SORCS2: variants seen among roughly 807,000 people sequenced by gnomAD.
SORCS2 encodes the protein sortilin related VPS10 domain containing receptor 2, also known as VPS10 domain-containing receptor SorCS2.
In SORCS2, 100 loss-of-function variants were observed where a neutral mutation model predicts 141.6. The ratio of observed to expected loss-of-function variants is 0.71; its 90% confidence interval spans 0.60 to 0.83. The LOEUF (loss-of-function observed/expected upper bound fraction) is 0.83. Among genes scored for constraint, SORCS2 ranks in the 40% least tolerant of loss-of-function variants. The probability of loss-of-function intolerance (pLI) is 0.00; values close to 1 mark genes in which losing one functional copy is unlikely to be tolerated. For synonymous variants in SORCS2, 789 were observed against 676.9 expected (o/e 1.17, Z -2.57); for missense variants, 1,646 against 1,560.2 (o/e 1.05, Z -0.93).
At chr4:7,624,091 A>G (rs1313997776) in intron 3 of SORCS2, among the ~76,000 whole-genome samples, 2 of 152,224 alleles carry the variant, frequency 1.3e-5, no homozygotes, top group Non-Finnish European at 2.9e-5. Flanking sequence ...CCCGGCATAC[A>G]GAAGTGCTCA....
At chr4:7,461,798 ATGGCC>A (rs1316302426) in intron 2 of SORCS2, among the ~76,000 whole-genome samples, 1 of 151,990 alleles carries the variant, frequency 6.6e-6, no homozygotes. Context: ...TGCCCAAAAT[ATGGCC>A]TGGGAACCCA....
At chr4:7,642,701 G>A (rs1339741051) in intron 4 of SORCS2, among the ~76,000 whole-genome samples, 3 of 152,152 alleles carry the variant, frequency 2.0e-5, no homozygotes, top group South Asian at 2.1e-4. Flanking sequence ...ACAGAAACAA[G>A]CATTATTTCT....
intron 26 of SORCS2, among the ~76,000 whole-genome samples, chr4:7,739,612 G>A (rs1560126184): frequency 6.6e-6 from 1 of 152,134 alleles, no homozygotes; most frequent in Non-Finnish European, 1.5e-5. Context: ...GTGAAGGATG[G>A]GCGAGGACTC....
intron 3 of SORCS2, among the ~76,000 whole-genome samples, chr4:7,626,452 A>G (rs1436312328): frequency 6.6e-6 from 1 of 152,230 alleles, no homozygotes; most frequent in African/African-American, 2.4e-5. Context: ...AACATTCTCC[A>G]AAGAAAGAAA....
chr4:7,242,758 C>T (rs960763568), intron 1 of SORCS2, among the ~76,000 whole-genome samples: 1 of 152,228 alleles, frequency 6.6e-6, no homozygotes, highest in Non-Finnish European at 1.5e-5. Context: ...GTGGCCATTA[C>T]TTCCCCCAGG....
At chr4:7,417,422 G>A (rs1318478841) in intron 2 of SORCS2, among the ~76,000 whole-genome samples, 1 of 152,188 alleles carries the variant, frequency 6.6e-6, no homozygotes, top group Admixed American at 6.5e-5. Flanking sequence ...ACAGGGAGCA[G>A]TTTTTATTAT....
intron 3 of SORCS2, among the ~76,000 whole-genome samples, chr4:7,543,285 G>A (rs76407338): frequency 0.018 from 2,800 of 152,150 alleles, 90 homozygotes; most frequent in African/African-American, 0.062. Flanking sequence ...GCATCCCTCC[G>A]TTCATCTGTT....
At chr4:7,724,503 GGTGGTGGTGA>G (rs1726935370) in intron 19 of SORCS2, among the ~76,000 whole-genome samples, 1 of 143,616 alleles carries the variant, frequency 7.0e-6, no homozygotes, top group Non-Finnish European at 1.5e-5. Context: ...TGGTGACAAT[GGTGGTGGTGA>G]TGGTGGTGAT....
chr4:7,515,395 G>C lies in SORCS2; in HGVS notation c.549-16135G>C, dbSNP rs940423967. Among the ~76,000 whole-genome samples, 3 of 152,214 alleles carry C rather than the reference G, an allele frequency of 2.0e-5. No homozygotes were observed. In the South Asian group the frequency reaches 6.2e-4, roughly 32 times the overall value. On this transcript the variant is annotated intron_variant, in intron 2 of 26. Coordinates refer to ENST00000507866, the MANE Select transcript of SORCS2 (RefSeq NM_020777.3). Reference sequence around the variant, plus strand: ...CTAGGGCTGGCCACCTGCTGGGGCTGGGCAGGGCACTGGAGCAGGTCTGCG... The same window carrying C: ...CTAGGGCTGGCCACCTGCTGGGGCTCGGCAGGGCACTGGAGCAGGTCTGCG...
intron 1 of SORCS2, among the ~76,000 whole-genome samples, chr4:7,242,309 C>T (rs748332072): frequency 6.6e-6 from 1 of 152,162 alleles, no homozygotes; most frequent in East Asian, 1.9e-4. Flanking sequence ...GATTATCCAA[C>T]TCAGCCTCCT....
chr4:7,609,499 G>A (rs751497477), intron 3 of SORCS2, among the ~76,000 whole-genome samples: 25 of 152,094 alleles, frequency 1.6e-4, no homozygotes, highest in East Asian at 5.8e-4. Context: ...GACCTCCCCC[G>A]TCCAGCCCCT....
At chr4:7,200,023 TG>T (rs151072957) in intron 1 of SORCS2, among the ~76,000 whole-genome samples, 29,760 of 151,626 alleles carry the variant, frequency 0.2, 3,212 homozygotes, top group East Asian at 0.38. Context: ...AGCGCAGAGG[TG>T]GGGGAGGCTG....
rs375360579 is a variant in SORCS2, at chr4:7,576,151, G to T, written c.648+44522G>T. On this transcript the variant is annotated intron_variant, in intron 3 of 26. Coordinates refer to ENST00000507866, the MANE Select transcript of SORCS2 (RefSeq NM_020777.3). ...TTAATTAGCGTGCGAGGGAGAGAAAGGTCAACACCACTAACATTCTCCTTC... is the reference window on the plus strand; with the variant it reads ...TTAATTAGCGTGCGAGGGAGAGAAATGTCAACACCACTAACATTCTCCTTC... 3.3e-5 allele frequency among the ~76,000 whole-genome samples: 5 copies of T among 152,300 alleles called. No individual in the cohort carries two copies. The East Asian group carries it at 5.8e-4, about 18-fold the overall frequency.
At chr4:7,219,146 A>T (rs1449914153) in intron 1 of SORCS2, among the ~76,000 whole-genome samples, 1 of 127,194 alleles carries the variant, frequency 7.9e-6, no homozygotes, top group Non-Finnish European at 1.7e-5. Flanking sequence ...TGCTAATTGG[A>T]TTTAGCTGAT....
At chr4:7,267,082 A>C (rs1714787232) in intron 1 of SORCS2, among the ~76,000 whole-genome samples, 1 of 152,280 alleles carries the variant, frequency 6.6e-6, no homozygotes, top group South Asian at 2.1e-4. Flanking sequence ...AAAGCACGAA[A>C]TAGTTTCTCA....
chr4:7,578,135 A>G (rs902335603), intron 3 of SORCS2, among the ~76,000 whole-genome samples: 20 of 152,228 alleles, frequency 1.3e-4, no homozygotes, highest in African/African-American at 4.8e-4. Context: ...TTGCTCTCTC[A>G]GAACCAGATT....
rs560682443 is a variant in SORCS2, at chr4:7,672,722, C to T, written c.1162-3328C>T. Among the ~76,000 whole-genome samples the T allele has an allele frequency of 7.9e-5, 12 of 152,294 alleles. No individual in the cohort carries two copies. In the South Asian group the frequency reaches 2.1e-3, roughly 26 times the overall value. On this transcript the variant is annotated intron_variant, in intron 8 of 26. Coordinates refer to ENST00000507866, the MANE Select transcript of SORCS2 (RefSeq NM_020777.3). Reference sequence around the variant, plus strand: ...ACCCCTCATATCCATTCTGCCCCTTCGTCTTAGTTCAACAAACCCCAGACT... The same window carrying T: ...ACCCCTCATATCCATTCTGCCCCTTTGTCTTAGTTCAACAAACCCCAGACT...
chr4:7,683,026 T>A, intron 10 of SORCS2, 137 bp downstream of exon 10: 1 of 1,142,032 alleles, frequency 8.8e-7, no homozygotes, highest in Non-Finnish European at 1.2e-6. Flanking sequence ...CTGCTGGGTG[T>A]GGTAGAGAGG....
chr4:7,679,749 C>T (rs1260841720), intron 9 of SORCS2, among the ~76,000 whole-genome samples: 1 of 141,278 alleles, frequency 7.1e-6, no homozygotes, highest in African/African-American at 2.6e-5. Flanking sequence ...ACTTGTGGGA[C>T]TTTTTTTTTT....
Sources: gnomAD v4.1 joint callset for allele counts (sites outside exome capture counted in the v4.1 genomes callset) on GRCh38, gnomAD v4.1.1 for gene constraint, MANE v1.5 for transcripts, NCBI Gene and HGNC (gene_info 2026-07-23, HGNC 2026-07-21) for gene names.